LCN9: variants seen among roughly 807,000 people sequenced by gnomAD.
The protein encoded by LCN9 is lipocalin 9, also known as epididymal-specific lipocalin-9.
LCN9 carries 22 observed loss-of-function variants against 18.5 expected under a neutral mutation model. The ratio of observed to expected loss-of-function variants is 1.19; its 90% CI spans 0.85 to 1.70. The LOEUF is 1.70. Among genes scored for constraint, LCN9 ranks in the 40% most tolerant of loss-of-function variants. The pLI is 0.00. For missense variants in LCN9, 202 were observed against 201.3 expected, an observed-to-expected ratio of 1.00 and a Z score of -0.02; for synonymous variants, 89 against 83.0, an observed-to-expected ratio of 1.07 and a Z score of -0.39.
rs137872207 is a variant in LCN9 at position 135,666,912 on chromosome 9, C to T, written c.*1061C>T. The stretch of plus-strand genomic sequence containing the variant: ...ACAATGTCACAGCTGAGGCAGGTGC[C>T]TGCGCCCCCGCCTCCATGTTTTGGT... On this transcript the variant is annotated 3_prime_UTR_variant, in exon 6 of 6. Coordinates refer to ENST00000619315, the Ensembl canonical transcript of LCN9. 7.6e-3 allele frequency among the ~76,000 whole-genome samples: 1,156 copies of T among 152,040 alleles called. 14 individuals are homozygous for T. The highest frequency in any genetic ancestry group is 0.026 in the African/African-American group (1,099 of 41,490).
intron 1 of LCN9, 147 bp downstream of exon 1, chr9:135,663,564 A>G: frequency 1.1e-5 from 4 of 373,928 alleles, no homozygotes; most frequent in South Asian, 8.0e-5. Context: ...AGCCTGGGAG[A>G]GCAGGGGTTA....
Position 135,664,136 on chromosome 9 carries a change from C to T in LCN9, c.97-26C>T, listed in dbSNP as rs752677027. ...TCCCCAGGGCTGTCCCGCGGCCCCC[C>T]ACCCACTGGAGCTCTTTGTCTTCAG... On this transcript the variant is annotated intron_variant, in intron 1 of 5. Transcript: ENST00000619315. The surrounding 1 kb of genome is among the most constrained non-coding windows in gnomAD (Gnocchi z 4.5). 6.2e-7 allele frequency: 1 copy of T among 1,611,752 alleles called. No individual in the cohort carries two copies. Among genetic ancestry groups the T allele is most frequent in the South Asian group, 1.1e-5 (1 of 90,942 alleles).
Position 135,664,558 on chromosome 9 carries a change from T to C in LCN9, c.234-164T>C, listed in dbSNP as rs935293437. ...GGGGTGAGGTTCGAGGAGATGAGGG[T>C]GTCCGGTGGGCTGCAGCAGGGCCCA... is the stretch of plus-strand genomic sequence containing the variant. On this transcript the variant is annotated intron_variant, in intron 2 of 5. Transcript: ENST00000619315. The surrounding 1 kb of genome is among the most constrained non-coding windows in gnomAD (Gnocchi z 4.5). Among the ~76,000 whole-genome samples the C allele has an allele frequency of 1.3e-5, 2 of 151,924 alleles. No individual in the cohort carries two copies. Among genetic ancestry groups the C allele is most frequent in the Non-Finnish European group, 2.9e-5 (2 of 67,994 alleles).
exon 6 of LCN9, chr9:135,666,054 T>A (rs1368230536): frequency 6.3e-7 from 1 of 1,599,504 alleles, no homozygotes. Context: ...AAAGATGCTG[T>A]GAAAAGCATC....
At chr9:135,666,185 G>C (rs905830147) in exon 6 of LCN9, 47 of 1,540,230 alleles carry the variant, frequency 3.1e-5, no homozygotes, top group Non-Finnish European at 3.9e-5. Context: ...AGGACAACCA[G>C]GATTTACTTT....
chr9:135,665,377 G>C lies in LCN9; in HGVS notation c.418+22G>C, dbSNP rs954289313. 2 of 1,554,778 alleles carry C rather than the reference G, an allele frequency of 1.3e-6. No individual in the cohort carries two copies. The highest frequency in any genetic ancestry group is 1.7e-6 in the Non-Finnish European group (2 of 1,144,926). ...TATGGTACCTCCGCTGTCCCCCTCT[G>C]ACCCCCTCGGGGACCCCACCTCCTC... On this transcript the variant is annotated intron_variant, in intron 4 of 5. Transcript: ENST00000619315. This position sits in a 1 kb window ranked among gnomAD's most constrained non-coding sequence, Gnocchi z 5.9.
rs751269453 is a variant in LCN9 at position 135,664,130 on chromosome 9, G to GC, written c.97-26dup. 3.6e-5 allele frequency: 58 copies of GC among 1,610,042 alleles called. No individual in the cohort carries two copies. The highest frequency in any genetic ancestry group is 1.7e-4 in the Middle Eastern group (1 of 5,794). On this transcript the variant is annotated intron_variant, in intron 1 of 5. Coordinates refer to ENST00000619315, the Ensembl canonical transcript of LCN9. The surrounding 1 kb of genome is among the most constrained non-coding windows in gnomAD (Gnocchi z 4.5). ...TAAGCATCCCCAGGGCTGTCCCGCG[G>GC]CCCCCCACCCACTGGAGCTCTTTGT... is the stretch of plus-strand genomic sequence containing the variant.
chr9:135,666,236 A>G, exon 6 of LCN9: 1 of 1,283,672 alleles, frequency 7.8e-7, no homozygotes, highest in Non-Finnish European at 1.1e-6. Context: ...CGAGGTCCGC[A>G]GGGCTGTGCT....
rs748587928 is a variant in LCN9 at position 135,664,330 on chromosome 9, A to G, written c.233+32A>G. ...GTTGCCCATCTCAGCTGGCATCAGG[A>G]AGACCCATGCCCCTGCCACCCCAAC... is the stretch of plus-strand genomic sequence containing the variant. On this transcript the variant is annotated intron_variant, in intron 2 of 5. Transcript: ENST00000619315. The surrounding 1 kb of genome is among the most constrained non-coding windows in gnomAD (Gnocchi z 4.5). 1.2e-6 allele frequency: 2 copies of G among 1,612,920 alleles called. No individual in the cohort carries two copies. The highest frequency in any genetic ancestry group is 1.7e-6 in the Non-Finnish European group (2 of 1,179,492).
chr9:135,666,731 C>A (rs769859456), exon 6 of LCN9, among the ~76,000 whole-genome samples: 2 of 152,040 alleles, frequency 1.3e-5, no homozygotes. Flanking sequence ...CCCCAAGATG[C>A]GGGTGAGATG....
In LCN9 at chr9:135,665,795, G is replaced by A. The variant is rs138234551; in HGVS notation, c.*9+43G>A. The A allele has an allele frequency of 0.029, 46,379 of 1,612,256 alleles. 789 individuals carry two copies. Among genetic ancestry groups the A allele is most frequent in the Non-Finnish European group, 0.033 (39,453 of 1,179,124 alleles). On this transcript the variant is annotated intron_variant, in intron 5 of 5. Transcript: ENST00000619315. This position sits in a 1 kb window ranked among gnomAD's most constrained non-coding sequence, Gnocchi z 5.9. ...CGGACCAAGCGGGAGCCGGGACAGG[G>A]TGGGGATGGGAGGTGTGCCTGCGGG... is the stretch of plus-strand genomic sequence containing the variant.
exon 6 of LCN9, chr9:135,666,263 G>A (rs540406762): frequency 1.2e-5 from 12 of 980,804 alleles, no homozygotes; most frequent in South Asian, 1.2e-4. Context: ...ACCAGCTCCC[G>A]GGAAGGGTCC....
At chr9:135,663,309 G>T (rs368549480) in exon 1 of LCN9, 5 of 1,607,468 alleles carry the variant, frequency 3.1e-6, no homozygotes, top group Non-Finnish European at 3.4e-6. Context: ...GGGCTGAGGC[G>T]TCCACGGCAA....
chr9:135,665,990 G>A lies in LCN9; in HGVS notation c.*139G>A. On this transcript the variant is annotated 3_prime_UTR_variant, in exon 6 of 6. Coordinates refer to ENST00000619315, the Ensembl canonical transcript of LCN9. This position sits in a 1 kb window ranked among gnomAD's most constrained non-coding sequence, Gnocchi z 5.9. ...TCAGAGGCTGCGGGGTCCCACCCCA[G>A]GAGGTGCCCATCCCTCCCCCTGGTC... 6.3e-7 allele frequency: 1 copy of A among 1,598,444 alleles called. No individual in the cohort carries two copies. Among genetic ancestry groups the A allele is most frequent in the Non-Finnish European group, 8.5e-7 (1 of 1,178,396 alleles).
rs752715421 is a variant in LCN9, at chr9:135,665,652, A to T, written c.419-36A>T. The T allele has an allele frequency of 1.1e-5, 17 of 1,589,772 alleles. No individual in the cohort carries two copies. In the Admixed American group the frequency reaches 2.4e-4, roughly 23 times the overall value. On this transcript the variant is annotated intron_variant, in intron 4 of 5. Coordinates refer to ENST00000619315, the Ensembl canonical transcript of LCN9. The surrounding 1 kb of genome is among the most constrained non-coding windows in gnomAD (Gnocchi z 5.9). ...ACACAGAACCAACTCTGTTCCCAGCACGGGTCCCATAGCTGGAACCCTCCT... is the reference window on the plus strand; with the variant it reads ...ACACAGAACCAACTCTGTTCCCAGCTCGGGTCCCATAGCTGGAACCCTCCT...
chr9:135,663,482 TG>T, intron 1 of LCN9, 65 bp downstream of exon 1: 1 of 1,353,540 alleles, frequency 7.4e-7, no homozygotes, highest in Non-Finnish European at 1.0e-6. Flanking sequence ...TCCCCCAGCC[TG>T]GGGTCTCTGA....
rs1834185767 is a variant in LCN9, at chr9:135,664,639, G to A, written c.234-83G>A. Reference sequence around the variant, plus strand: ...CTGGGCATTGGGAGGGTGAGCCTGTGCCCTGGAGGAGGGGTGCTCTCTGCC... The same window carrying A: ...CTGGGCATTGGGAGGGTGAGCCTGTACCCTGGAGGAGGGGTGCTCTCTGCC... On this transcript the variant is annotated intron_variant, in intron 2 of 5. Transcript: ENST00000619315. This position sits in a 1 kb window ranked among gnomAD's most constrained non-coding sequence, Gnocchi z 4.5. 1 of 1,244,336 alleles carries A rather than the reference G, an allele frequency of 8.0e-7. No homozygotes were observed. The highest frequency in any genetic ancestry group is 1.5e-5 in the African/African-American group (1 of 65,496). The allele number at this position is 1,244,336 out of a possible 1,614,324, so 77.1% of individuals were successfully genotyped here. A position where few individuals can be genotyped will look rare whatever the true frequency, so the allele number is the denominator to read the frequency against.
At position 135,663,423 on chromosome 9, in the gene LCN9, T is replaced by C; in HGVS notation, c.96+6T>C. 1 of 1,613,156 alleles carries C rather than the reference T, an allele frequency of 6.2e-7. No homozygotes were observed. Among genetic ancestry groups the C allele is most frequent in the Non-Finnish European group, 8.5e-7 (1 of 1,179,242 alleles). ...GGAACTACAACGTGGCCAGGGTGTG[T>C]CTGCGTTGGGGTCTGTGGGGAAGGG... On this transcript the variant is annotated splice_donor_region_variant and intron_variant, in intron 1 of 5. Transcript: ENST00000619315.
chr9:135,665,168 C>T lies in LCN9; in HGVS notation c.308-77C>T, dbSNP rs1834195455. 3.9e-6 allele frequency: 4 copies of T among 1,025,500 alleles called. No individual in the cohort carries two copies. The highest frequency in any genetic ancestry group is 2.5e-4 in the Middle Eastern group (1 of 3,994). The allele number at this position is 1,025,500 out of a possible 1,614,324, so 63.5% of individuals were successfully genotyped here. On this transcript the variant is annotated intron_variant, in intron 3 of 5. Transcript: ENST00000619315. The surrounding 1 kb of genome is among the most constrained non-coding windows in gnomAD (Gnocchi z 5.9). Reference sequence around the variant, plus strand: ...AAGGCCACTTGACCCCCCATCCTCACTTGCGGCCACACAGCACGTGTCACA... The same window carrying T: ...AAGGCCACTTGACCCCCCATCCTCATTTGCGGCCACACAGCACGTGTCACA...
Sources: gnomAD v4.1 joint callset for allele counts (sites outside exome capture counted in the v4.1 genomes callset) on GRCh38, gnomAD v4.1.1 for gene constraint, Gnocchi (gnomAD v3.1) non-coding constraint, MANE v1.5 for transcripts, NCBI Gene and HGNC (gene_info 2026-07-23, HGNC 2026-07-21) for gene names.